Variants in TTYH3 observed in about 807,000 individuals in gnomAD.
TTYH3 encodes the protein tweety family member 3.
TTYH3 carries 23 observed loss-of-function variants against 68.2 expected under a neutral mutation model. The observed-to-expected ratio is 0.34, with a 90% CI of 0.24 to 0.48. TTYH3 has a LOEUF of 0.48. Ranked by LOEUF, TTYH3 falls within the 20% of genes least tolerant of loss-of-function variation. TTYH3 has a pLI of 0.99. For missense variants in TTYH3, 768 were observed against 727.7 expected (o/e 1.06, Z -0.64); for synonymous variants, 360 against 332.8 (o/e 1.08, Z -0.89).
Position 2,656,419 on chromosome 7 carries a change from G to A in TTYH3, c.1135G>A (p.Gly379Ser), listed in dbSNP as rs1288222641. 2 of 1,611,094 alleles carry A rather than the reference G, an allele frequency of 1.2e-6. No homozygotes were observed. Among genetic ancestry groups the A allele is most frequent in the South Asian group, 1.1e-5 (1 of 91,014 alleles). ...TCAGGACTACGTGCAAGCGCTGACC[G>A]GCTTCTGCTATGACGGCGTGGAGGG... ...LHLDYVQALTGFCYDGVEGLI... is the reference protein window; with the variant it reads ...LHLDYVQALTSFCYDGVEGLI... The change falls in exon 11 of 14, where the codon GGC becomes AGC. Residue 379 changes from glycine to serine, a missense_variant. Gly to Ser is a moderately conservative substitution (Grantham distance 56). Transcript: ENST00000258796.
rs1380016081 is a variant in TTYH3 at position 2,663,074 on chromosome 7, C to T, written c.*1335C>T. 2.0e-5 allele frequency: 3 copies of T among 152,346 alleles called. No homozygotes were observed. The highest frequency in any genetic ancestry group is 4.4e-5 in the Non-Finnish European group (3 of 68,092). The allele number at this position is 152,346 out of a possible 1,614,324, so 9.4% of individuals were successfully genotyped here. ...TTAGTGTACGATGTTTGCTGTGCTTCCCGCCGTGGAGGGCAGAGCCACCCC... is the reference window on the plus strand; with the variant it reads ...TTAGTGTACGATGTTTGCTGTGCTTTCCGCCGTGGAGGGCAGAGCCACCCC... On this transcript the variant is annotated 3_prime_UTR_variant, in exon 14 of 14. Coordinates refer to ENST00000258796, the MANE Select transcript of TTYH3 (RefSeq NM_025250.3).
At position 2,647,498 on chromosome 7, in the gene TTYH3, C is replaced by T. The variant is rs1305231886; in HGVS notation, c.486C>T (p.Pro162=). Residue 162 remains proline, a synonymous_variant, in exon 4 of 14, where the codon CCC becomes CCT. Transcript: ENST00000258796. The part of the protein sequence containing the change: ...QTLERQLAGR[P]EPLRAVQRLQ... ...TGGAGCGGCAGCTGGCCGGGCGGCC[C>T]GAGCCCCTGCGAGCCGTACAGAGGC... The T allele has an allele frequency of 6.5e-6, 10 of 1,539,386 alleles. No homozygotes were observed. Among genetic ancestry groups the T allele is most frequent in the East Asian group, 4.9e-5 (2 of 40,842 alleles).
At chr7:2,639,514 C>T (rs772191637) in intron 1 of TTYH3, among the ~76,000 whole-genome samples, 7 of 152,344 alleles carry the variant, frequency 4.6e-5, no homozygotes, top group South Asian at 2.1e-4. Context: ...CCCGACCTAG[C>T]GCGGCCGAGC....
chr7:2,641,792 G>C (rs1239945840), intron 1 of TTYH3, among the ~76,000 whole-genome samples: 1 of 152,210 alleles, frequency 6.6e-6, no homozygotes, highest in Non-Finnish European at 1.5e-5. Context: ...AGGCCAGGCT[G>C]GCCACGGCAC....
chr7:2,643,576 G>T (rs1380242579), intron 1 of TTYH3, among the ~76,000 whole-genome samples: 2 of 152,206 alleles, frequency 1.3e-5, no homozygotes, highest in Non-Finnish European at 2.9e-5. Flanking sequence ...CCTGCCCACT[G>T]CCCCTGGGCA....
intron 1 of TTYH3, among the ~76,000 whole-genome samples, chr7:2,638,423 G>T (rs1241945230): frequency 6.6e-6 from 1 of 152,108 alleles, no homozygotes; most frequent in African/African-American, 2.4e-5. Flanking sequence ...AAAGGGGCCC[G>T]GCCTGTGGGG....
chr7:2,649,876 T>C, intron 6 of TTYH3, 37 bp from the exon 7 acceptor site: 1 of 1,611,418 alleles, frequency 6.2e-7, no homozygotes, highest in Non-Finnish European at 8.5e-7. Flanking sequence ...TAGGCCCAGC[T>C]TGGTCAACCC....
intron 12 of TTYH3, 21 bp from the exon 13 acceptor site, chr7:2,658,919 C>T (rs2114998896): frequency 6.2e-7 from 1 of 1,613,036 alleles, no homozygotes; most frequent in South Asian, 1.1e-5. Context: ...CACTCACAGC[C>T]TCTCTCCCCT....
intron 11 of TTYH3, among the ~76,000 whole-genome samples, chr7:2,657,136 C>G (rs1786356563): frequency 6.6e-6 from 1 of 152,248 alleles, no homozygotes; most frequent in Admixed American, 6.5e-5. Context: ...GGCTCCTTCC[C>G]TTGCCAGAGC....
chr7:2,661,578 C>A, intron 13 of TTYH3, 90 bp from the exon 14 acceptor site: 2 of 1,309,466 alleles, frequency 1.5e-6, no homozygotes, highest in Non-Finnish European at 2.2e-6. Context: ...GGGCTGTTGG[C>A]TCAGCCAAGT....
In TTYH3 at chr7:2,632,019, G is replaced by T. The variant is rs1785531615; in HGVS notation, c.-137G>T. 7.1e-6 allele frequency: 5 copies of T among 708,192 alleles called. No individual in the cohort carries two copies. Among genetic ancestry groups the T allele is most frequent in the Admixed American group, 5.7e-5 (1 of 17,646 alleles). The allele number at this position is 708,192 out of a possible 1,614,324, so 43.9% of individuals were successfully genotyped here. A position where few individuals can be genotyped will look rare whatever the true frequency, so the allele number is the denominator to read the frequency against. The stretch of plus-strand genomic sequence containing the variant: ...GAGCGCAGCCGAGCCGGGCCGAGCC[G>T]GGCCGGGCCGGGCCCAGGAGCGCGC... On this transcript the variant is annotated 5_prime_UTR_variant, in exon 1 of 14. Coordinates refer to ENST00000258796, the MANE Select transcript of TTYH3 (RefSeq NM_025250.3).
chr7:2,656,045 C>T, intron 9 of TTYH3, 47 bp from the exon 10 acceptor site: 2 of 1,440,980 alleles, frequency 1.4e-6, no homozygotes, highest in Non-Finnish European at 1.9e-6. Context: ...GGCTCGAGGT[C>T]CCCCGTCCAA....
chr7:2,639,836 G>A (rs1464757853), intron 1 of TTYH3, among the ~76,000 whole-genome samples: 2 of 152,154 alleles, frequency 1.3e-5, no homozygotes, highest in African/African-American at 2.4e-5. Context: ...CGAGGGGCGG[G>A]GCAGGGCTGG....
rs185102765 is a variant in TTYH3 at position 2,655,200 on chromosome 7, G to A, written c.1021-892G>A. Among the ~76,000 whole-genome samples, 83 of 152,308 alleles carry A rather than the reference G, an allele frequency of 5.4e-4. 3 individuals are homozygous for A. The South Asian group carries it at 0.016, about 29-fold the overall frequency. On this transcript the variant is annotated intron_variant, in intron 9 of 13. Transcript: ENST00000258796. Reference sequence around the variant, plus strand: ...CTTACTCTCTTGCCGAGGCTGGAGTGCAGTGGTGTGATCTCAACTCACGGC... The same window carrying A: ...CTTACTCTCTTGCCGAGGCTGGAGTACAGTGGTGTGATCTCAACTCACGGC...
At chr7:2,644,062 C>T (rs1352252030) in intron 1 of TTYH3, among the ~76,000 whole-genome samples, 1 of 152,194 alleles carries the variant, frequency 6.6e-6, no homozygotes, top group Non-Finnish European at 1.5e-5. Flanking sequence ...GTCTGACCAG[C>T]CCGGGGCCAA....
intron 1 of TTYH3, among the ~76,000 whole-genome samples, chr7:2,634,301 G>C (rs2114968951): frequency 6.6e-6 from 1 of 152,236 alleles, no homozygotes; most frequent in East Asian, 1.9e-4. Context: ...TCCTGAATCT[G>C]GGCTGGCCGT....
intron 9 of TTYH3, among the ~76,000 whole-genome samples, chr7:2,653,727 G>A (rs796145396): frequency 3.3e-5 from 5 of 152,334 alleles, no homozygotes; most frequent in African/African-American, 1.2e-4. Context: ...GCTGGGCGTG[G>A]TGGTACACGC....
chr7:2,662,054 C>G lies in TTYH3; in HGVS notation c.*315C>G, dbSNP rs566701927. 1.9e-6 allele frequency: 1 copy of G among 539,574 alleles called. No homozygotes were observed. Among genetic ancestry groups the G allele is most frequent in the African/African-American group, 1.9e-5 (1 of 51,728 alleles). The allele number at this position is 539,574 out of a possible 1,614,324, so 33.4% of individuals were successfully genotyped here. On this transcript the variant is annotated 3_prime_UTR_variant, in exon 14 of 14. Coordinates refer to ENST00000258796, the MANE Select transcript of TTYH3 (RefSeq NM_025250.3). ...CGCACCTACAAGCCCTGGCCGCACCCAACCTGTGTTGTTGCCGCCCGGCCC... is the reference window on the plus strand; with the variant it reads ...CGCACCTACAAGCCCTGGCCGCACCGAACCTGTGTTGTTGCCGCCCGGCCC...
chr7:2,653,203 A>G (rs896530059), intron 9 of TTYH3, among the ~76,000 whole-genome samples, 193 bp downstream of exon 9: 2 of 151,914 alleles, frequency 1.3e-5, no homozygotes, highest in Admixed American at 6.6e-5. Context: ...GTTAGGCCTC[A>G]TTTTTTCCTC....
Sources: gnomAD v4.1 joint callset for allele counts (sites outside exome capture counted in the v4.1 genomes callset) on GRCh38, gnomAD v4.1.1 for gene constraint, MANE v1.5 for transcripts, NCBI Gene and HGNC (gene_info 2026-07-23, HGNC 2026-07-21) for gene names.